Variants in REDIC1 observed in about 807,000 individuals in gnomAD.
REDIC1 encodes the protein regulator of DNA class I crossover intermediates 1.
the REDIC1 span, among the ~76,000 whole-genome samples, chr12:39,762,513 T>C: frequency 9.6e-4 from 146 of 152,212 alleles, 2 homozygotes; most frequent in African/African-American, 3.2e-3. Flanking sequence ...ATAGCAATGA[T>C]ACTTTTTAGT....
chr12:39,845,654 G>A, the REDIC1 span, among the ~76,000 whole-genome samples: 1 of 152,190 alleles, frequency 6.6e-6, no homozygotes, highest in Middle Eastern at 3.4e-3. Flanking sequence ...TGACACAGAC[G>A]AAATGAGATA....
the REDIC1 span, among the ~76,000 whole-genome samples, chr12:39,664,222 A>T: frequency 2.7e-5 from 3 of 111,618 alleles, no homozygotes; most frequent in African/African-American, 3.4e-5. Context: ...CTATCCCTAT[A>T]CCCTCCCCCC....
chr12:39,737,310 T>C, the REDIC1 span, among the ~76,000 whole-genome samples: 1 of 152,234 alleles, frequency 6.6e-6, no homozygotes, highest in Non-Finnish European at 1.5e-5. Flanking sequence ...CTATGTTCTA[T>C]CCTTTGCTCT....
the REDIC1 span, among the ~76,000 whole-genome samples, chr12:39,703,048 A>G: frequency 6.6e-6 from 1 of 152,014 alleles, no homozygotes. Flanking sequence ...CTCTCTCACC[A>G]CTCCTATTCA....
the REDIC1 span, among the ~76,000 whole-genome samples, chr12:39,693,396 T>C: frequency 6.6e-6 from 1 of 151,956 alleles, no homozygotes; most frequent in East Asian, 1.9e-4. Flanking sequence ...CCCTGCCCTA[T>C]TTCCTTCTGC....
the REDIC1 span, among the ~76,000 whole-genome samples, chr12:39,786,400 G>GA: frequency 2.0e-5 from 3 of 152,158 alleles, no homozygotes; most frequent in African/African-American, 4.8e-5. Context: ...CCCCAGCCAT[G>GA]TGGAACTGTG....
the REDIC1 span, among the ~76,000 whole-genome samples, chr12:39,705,086 A>G: frequency 6.6e-6 from 1 of 151,108 alleles, no homozygotes; most frequent in African/African-American, 2.4e-5. Flanking sequence ...AATAAATAAA[A>G]TTAAATTAAA....
At chr12:39,793,287 C>T in the REDIC1 span, among the ~76,000 whole-genome samples, 1 of 151,956 alleles carries the variant, frequency 6.6e-6, no homozygotes, top group Non-Finnish European at 1.5e-5. Context: ...AAAAGACGTG[C>T]AAAATTGTAC....
the REDIC1 span, among the ~76,000 whole-genome samples, chr12:39,859,481 C>T: frequency 2.6e-5 from 4 of 151,962 alleles, no homozygotes; most frequent in African/African-American, 9.7e-5. Flanking sequence ...CTTTAAGTAC[C>T]TCTGCAGATG....
chr12:39,749,078 A>C, the REDIC1 span, among the ~76,000 whole-genome samples: 1 of 152,176 alleles, frequency 6.6e-6, no homozygotes. Flanking sequence ...TCAGAGAAGA[A>C]CTGAAGGAGA....
At chr12:39,716,241 C>T in the REDIC1 span, among the ~76,000 whole-genome samples, 11 of 151,938 alleles carry the variant, frequency 7.2e-5, no homozygotes, top group African/African-American at 2.7e-4. Context: ...CATCTCAATC[C>T]CATTTTAAAA....
the REDIC1 span, among the ~76,000 whole-genome samples, chr12:39,630,435 C>T: frequency 6.6e-6 from 1 of 152,034 alleles, no homozygotes; most frequent in Non-Finnish European, 1.5e-5. Flanking sequence ...GGAGAGGTTA[C>T]CATTTGTAAA....
At chr12:39,678,916 C>A in the REDIC1 span, among the ~76,000 whole-genome samples, 3 of 151,646 alleles carry the variant, frequency 2.0e-5, no homozygotes, top group Non-Finnish European at 4.4e-5. Context: ...TGATTAAAAC[C>A]CTCAGCAAAA....
the REDIC1 span, among the ~76,000 whole-genome samples, chr12:39,879,398 A>T: frequency 6.6e-6 from 1 of 152,178 alleles, no homozygotes; most frequent in African/African-American, 2.4e-5. Context: ...ATTCAACTTC[A>T]ACTCATGGGA....
the REDIC1 span, among the ~76,000 whole-genome samples, chr12:39,743,012 C>T: frequency 2.0e-5 from 3 of 152,256 alleles, no homozygotes; most frequent in Non-Finnish European, 4.4e-5. Flanking sequence ...CCCACCTTCA[C>T]GGACACACTT....
chr12:39,808,515 C>A, the REDIC1 span, among the ~76,000 whole-genome samples: 1 of 152,052 alleles, frequency 6.6e-6, no homozygotes, highest in Non-Finnish European at 1.5e-5. Context: ...TCAGAAGAAA[C>A]CTCCAAACTG....
chr12:39,768,093 C>T, the REDIC1 span, among the ~76,000 whole-genome samples: 1 of 152,088 alleles, frequency 6.6e-6, no homozygotes, highest in Non-Finnish European at 1.5e-5. Flanking sequence ...CACTTGCTGC[C>T]TCACCTTGCA....
At chr12:39,718,655 T>C in the REDIC1 span, among the ~76,000 whole-genome samples, 1 of 152,022 alleles carries the variant, frequency 6.6e-6, no homozygotes, top group Admixed American at 6.6e-5. Flanking sequence ...TCCTAATAAA[T>C]ATCCTATGTG....
the REDIC1 span, among the ~76,000 whole-genome samples, chr12:39,711,560 CATGTGTAT>C: frequency 1.9e-3 from 81 of 41,736 alleles, no homozygotes; most frequent in Non-Finnish European, 4.6e-3. Flanking sequence ...CATACACATG[CATGTGTAT>C]ATGTGCATAC....
Sources: allele counts gnomAD v4.1 joint callset (sites outside exome capture counted in the v4.1 genomes callset), GRCh38; gene constraint gnomAD v4.1.1; transcripts MANE v1.5; gene names NCBI Gene and HGNC (gene_info 2026-07-23, HGNC 2026-07-21).